The following GON4L variants were observed in gnomAD, a reference collection of about 807,000 sequenced individuals.
GON4L encodes gon-4 like.
In GON4L, 87 loss-of-function variants were observed where a neutral mutation model predicts 211.8. That is an observed-to-expected ratio of 0.41 (90% CI 0.35 to 0.49). GON4L has a LOEUF of 0.49. Ranked by LOEUF, GON4L falls within the 20% of genes least tolerant of loss-of-function variation. The pLI is 0.15. For synonymous variants in GON4L, 875 were observed against 962.6 expected (o/e 0.91, Z 1.68); for missense variants, 2,155 against 2,659.5 (o/e 0.81, Z 4.17).
intron 2 of GON4L, among the ~76,000 whole-genome samples, chr1:155,849,141 C>T: frequency 1.2e-5 from 1 of 81,582 alleles, no homozygotes; most frequent in South Asian, 4.2e-4. Flanking sequence ...GAGACTCCAT[C>T]TCAAAAAAAA....
At chr1:155,747,210 TG>T, downstream of GON4L, 1 of 1,414,374 alleles carries the variant, frequency 7.1e-7, no homozygotes, top group Non-Finnish European at 9.9e-7. Flanking sequence ...TACTGATGGA[TG>T]GGGGCTTGGG....
intron 3 of GON4L, among the ~76,000 whole-genome samples, chr1:155,824,762 CAAAAAAA>C (rs58791710): frequency 3.8e-5 from 2 of 52,086 alleles, no homozygotes; most frequent in African/African-American, 1.2e-4. Context: ...GACTCTGTCG[CAAAAAAA>C]AAAAAAAAAA....
rs570076498 is a variant in GON4L, at chr1:155,818,268, C to T, written c.1015-2006G>A. Among the ~76,000 whole-genome samples the T allele has an allele frequency of 3.3e-5, 5 of 152,148 alleles. No individual in the cohort carries two copies. In the East Asian group the frequency reaches 7.7e-4, roughly 24 times the overall value. ...GCTGGGATTACAGGCGCCCACCACA[C>T]GCCCAGCTAACTGTTGTATTTTTAG... On this transcript the variant is annotated intron_variant, in intron 6 of 31. Coordinates refer to ENST00000368331, the MANE Select transcript of GON4L (RefSeq NM_001282860.2).
chr1:155,830,107 C>T (rs939593493), intron 2 of GON4L, among the ~76,000 whole-genome samples: 2 of 151,866 alleles, frequency 1.3e-5, no homozygotes, highest in Admixed American at 6.6e-5. Context: ...TGTGTCACCA[C>T]GCCCAGCTAA....
At position 155,760,524 on chromosome 1, in the gene GON4L, T is replaced by A. The variant is rs1425468669; in HGVS notation, c.5029A>T (p.Ile1677Phe). 6.2e-7 allele frequency: 1 copy of A among 1,613,548 alleles called. No individual in the cohort carries two copies. Among genetic ancestry groups the A allele is most frequent in the African/African-American group, 1.3e-5 (1 of 74,900 alleles). Reference sequence around the variant, plus strand: ...AGCTGAGGCCAGTCTTGGAGCAGAATTTGCAGGCTTTTGTAGAGATCTACA... The same window carrying A: ...AGCTGAGGCCAGTCTTGGAGCAGAAATTGCAGGCTTTTGTAGAGATCTACA... ...TAVDLYKSLQILLQDWPQLLK... is the reference protein window; with the variant it reads ...TAVDLYKSLQFLLQDWPQLLK... Residue 1677 changes from isoleucine to phenylalanine, a missense_variant, in exon 24 of 32, where the codon ATT becomes TTT. Physicochemically the swap from Ile to Phe is conservative, Grantham distance 21. This residue lies in a region of GON4L where 455 missense variants were observed against 504.6 expected (regional missense o/e 0.90). Transcript: ENST00000368331.
intron 11 of GON4L, among the ~76,000 whole-genome samples, chr1:155,802,817 A>G (rs1666802643): frequency 6.6e-6 from 1 of 152,192 alleles, no homozygotes; most frequent in Non-Finnish European, 1.5e-5. Context: ...TTGGCCGGGC[A>G]TGATGGCACA....
At chr1:155,835,415 T>C (rs1178372969) in intron 2 of GON4L, among the ~76,000 whole-genome samples, 2 of 151,138 alleles carry the variant, frequency 1.3e-5, no homozygotes, top group African/African-American at 2.4e-5. Context: ...TATTGTCCTA[T>C]GACCCTGCCA....
intron 2 of GON4L, among the ~76,000 whole-genome samples, chr1:155,852,600 G>C (rs187398698): frequency 1.3e-5 from 2 of 152,096 alleles, no homozygotes; most frequent in South Asian, 2.1e-4. Flanking sequence ...AAAATTGGCC[G>C]GGCATGGTGG....
chr1:155,814,977 G>T (rs1668112803), intron 8 of GON4L, among the ~76,000 whole-genome samples: 1 of 151,946 alleles, frequency 6.6e-6, no homozygotes, highest in African/African-American at 2.4e-5. Context: ...GCCAGGCATG[G>T]TAGCGCACGC....
At chr1:155,764,758 A>G in intron 21 of GON4L, 2 of 1,194,956 alleles carry the variant, frequency 1.7e-6, no homozygotes, top group Non-Finnish European at 2.4e-6. Context: ...TTTTTAAGGC[A>G]TTTAAAGTAT....
At position 155,752,016 on chromosome 1, in the gene GON4L, C is replaced by A. The variant is rs369594287; in HGVS notation, c.6417G>T (p.Val2139=). 4.2e-5 allele frequency: 68 copies of A among 1,613,472 alleles called. No homozygotes were observed. Among genetic ancestry groups the A allele is most frequent in the Non-Finnish European group, 5.5e-5 (65 of 1,179,584 alleles). ...AGCTGACCTTGCTGTTGTTGGCACA[C>A]ACCGTAGCTTCTGCGGCCTTTGGCT... ...EQQPKAAEAT[V]CANNSKVSST... The change falls in exon 30 of 32, where the codon GTG becomes GTT. Residue 2139 remains valine (V), a synonymous_variant. Coordinates refer to ENST00000368331, the MANE Select transcript of GON4L (RefSeq NM_001282860.2).
intron 3 of GON4L, among the ~76,000 whole-genome samples, chr1:155,824,762 C>CAAAA (rs58791710): frequency 5.8e-5 from 3 of 52,032 alleles, no homozygotes; most frequent in African/African-American, 1.2e-4. Context: ...GACTCTGTCG[C>CAAAA]AAAAAAAAAA....
At chr1:155,842,296 G>C (rs563539122) in intron 2 of GON4L, among the ~76,000 whole-genome samples, 1 of 152,042 alleles carries the variant, frequency 6.6e-6, no homozygotes, top group African/African-American at 2.4e-5. Flanking sequence ...AGGCCAAGGC[G>C]AGTGGATTAC....
At chr1:155,820,961 A>C (rs984983112) in intron 5 of GON4L, among the ~76,000 whole-genome samples, 1 of 152,164 alleles carries the variant, frequency 6.6e-6, no homozygotes, top group Non-Finnish European at 1.5e-5. Flanking sequence ...TGTCTCTAAA[A>C]AAATAATAAT....
chr1:155,766,783 C>T (rs557731806), intron 20 of GON4L, 74 bp from the exon 21 acceptor site: 23 of 1,601,968 alleles, frequency 1.4e-5, no homozygotes, highest in African/African-American at 9.3e-5. Context: ...CAGTGGCTCA[C>T]GCCTGTAATC....
intron 2 of GON4L, among the ~76,000 whole-genome samples, chr1:155,848,284 T>C (rs928899533): frequency 6.6e-6 from 1 of 151,912 alleles, no homozygotes; most frequent in African/African-American, 2.4e-5. Flanking sequence ...TCTGAACTCA[T>C]ATTCAAACTC....
chr1:155,800,451 G>C (rs1395791875), intron 11 of GON4L, among the ~76,000 whole-genome samples: 1 of 151,752 alleles, frequency 6.6e-6, no homozygotes, highest in East Asian at 1.9e-4. Flanking sequence ...CAGCTACTTG[G>C]GAGGCTGAGA....
chr1:155,809,507 CTATTTT>C (rs1341800661), intron 10 of GON4L, among the ~76,000 whole-genome samples: 3 of 145,398 alleles, frequency 2.1e-5, no homozygotes, highest in African/African-American at 7.5e-5. Context: ...ATTCAATATT[CTATTTT>C]TAATTATATA....
chr1:155,827,923 C>T (rs115972154), intron 2 of GON4L, among the ~76,000 whole-genome samples: 172 of 152,182 alleles, frequency 1.1e-3, no homozygotes, highest in Non-Finnish European at 1.8e-3. Flanking sequence ...GCAGGAAGAT[C>T]GCTTTAGCCA....
Sources: gnomAD v4.1 joint callset for allele counts (sites outside exome capture counted in the v4.1 genomes callset) on GRCh38, gnomAD v4.1.1 for gene constraint, gnomAD v4.1.1 regional missense constraint, MANE v1.5 for transcripts, NCBI Gene and HGNC (gene_info 2026-07-23, HGNC 2026-07-21) for gene names.